The following CECR2 variants were observed in gnomAD, a reference collection of about 807,000 sequenced individuals.
The protein encoded by CECR2 is CECR2 histone acetyl-lysine reader.
In CECR2, 30 loss-of-function variants were observed where a neutral mutation model predicts 154.5. The observed-to-expected ratio is 0.19, with a 90% CI of 0.15 to 0.26. The LOEUF (loss-of-function observed/expected upper bound fraction) is 0.26. CECR2 is among the 10% of genes least tolerant of loss of function. The probability of loss-of-function intolerance (pLI) is 1.00; values close to 1 mark genes in which losing one functional copy is unlikely to be tolerated. For synonymous variants in CECR2, 725 were observed against 683.7 expected, an observed-to-expected ratio of 1.06 and a Z score of -0.94; for missense variants, 1,743 against 1,829.3, an observed-to-expected ratio of 0.95 and a Z score of 0.86.
chr22:17,494,932 A>G (rs961226322), intron 2 of CECR2, among the ~76,000 whole-genome samples: 2 of 151,522 alleles, frequency 1.3e-5, no homozygotes, highest in Non-Finnish European at 3.0e-5. Context: ...TGACCTCGTG[A>G]TCCGCCCACC....
chr22:17,384,899 C>T (rs993605124), intron 1 of CECR2, among the ~76,000 whole-genome samples: 1 of 152,204 alleles, frequency 6.6e-6, no homozygotes, highest in Non-Finnish European at 1.5e-5. Flanking sequence ...TATTCATCCT[C>T]GTTAATGATC....
intron 8 of CECR2, among the ~76,000 whole-genome samples, chr22:17,514,247 TTGC>T (rs1428362034): frequency 6.6e-6 from 1 of 152,176 alleles, no homozygotes; most frequent in Non-Finnish European, 1.5e-5. Context: ...GTCATTGCTG[TTGC>T]TAGGGAGCTG....
intron 2 of CECR2, among the ~76,000 whole-genome samples, chr22:17,495,118 A>T (rs1035774350): frequency 2.6e-5 from 4 of 152,260 alleles, no homozygotes; most frequent in African/African-American, 9.6e-5. Flanking sequence ...TTTTAAAATG[A>T]TACCAATAAC....
At position 17,511,808 on chromosome 22, in the gene CECR2, T is replaced by C. The variant is rs2055960508; in HGVS notation, c.871-5T>C. On this transcript the variant is annotated splice_region_variant and splice_polypyrimidine_tract_variant and intron_variant, in intron 7 of 18. Transcript: ENST00000262608. ...TTCCTTTCTCTTCTTCACTTCTAAC[T>C]ATAGGGAAAACGTCCACAGCGCACA... The C allele has an allele frequency of 1.2e-6, 2 of 1,610,326 alleles. No homozygotes were observed. Among genetic ancestry groups the C allele is most frequent in the African/African-American group, 1.3e-5 (1 of 74,854 alleles).
At chr22:17,432,839 C>T (rs187999938) in intron 1 of CECR2, among the ~76,000 whole-genome samples, 1 of 152,298 alleles carries the variant, frequency 6.6e-6, no homozygotes, top group African/African-American at 2.4e-5. Flanking sequence ...GTGATCCTCC[C>T]ACCTCACCCT....
intron 1 of CECR2, among the ~76,000 whole-genome samples, chr22:17,411,553 A>C (rs1355751076): frequency 6.6e-6 from 1 of 152,232 alleles, no homozygotes; most frequent in Non-Finnish European, 1.5e-5. Flanking sequence ...TATAAGATAC[A>C]AGATGGGAAG....
At chr22:17,478,352 A>ATTTTTT (rs56010603) in intron 2 of CECR2, among the ~76,000 whole-genome samples, 4 of 118,970 alleles carry the variant, frequency 3.4e-5, no homozygotes, top group South Asian at 2.8e-4. Flanking sequence ...ATGGTATCAA[A>ATTTTTT]TTTTTTTTTT....
chr22:17,377,414 A>C (rs1311303471), intron 1 of CECR2, among the ~76,000 whole-genome samples: 2 of 151,556 alleles, frequency 1.3e-5, no homozygotes, highest in African/African-American at 4.8e-5. Context: ...GCATTGAATT[A>C]TGTGATTCTT....
intron 16 of CECR2, among the ~76,000 whole-genome samples, chr22:17,543,930 T>G (rs2056570533): frequency 6.6e-6 from 1 of 152,206 alleles, no homozygotes; most frequent in African/African-American, 2.4e-5. Context: ...TTTTTACAGA[T>G]GAAAAATCCA....
chr22:17,506,587 A>C (rs1020624900), intron 7 of CECR2, among the ~76,000 whole-genome samples: 2 of 152,134 alleles, frequency 1.3e-5, no homozygotes, highest in African/African-American at 4.8e-5. Context: ...TCTTCATCTC[A>C]AGGACCATGT....
intron 1 of CECR2, among the ~76,000 whole-genome samples, chr22:17,454,129 C>CT (rs538439270): frequency 7.9e-4 from 121 of 152,256 alleles, no homozygotes; most frequent in African/African-American, 2.8e-3. Context: ...CACATAAGAG[C>CT]TCAATACAAA....
intron 1 of CECR2, among the ~76,000 whole-genome samples, chr22:17,390,147 C>T (rs983125879): frequency 6.6e-5 from 10 of 152,112 alleles, no homozygotes; most frequent in Non-Finnish European, 1.3e-4. Context: ...TGTTGAGTCT[C>T]TTTAGTCTCC....
chr22:17,503,589 A>AC, intron 6 of CECR2, among the ~76,000 whole-genome samples: 1 of 152,264 alleles, frequency 6.6e-6, no homozygotes, highest in Admixed American at 6.5e-5. Context: ...AAGACTCAAA[A>AC]TCAAAACCAT....
intron 1 of CECR2, among the ~76,000 whole-genome samples, chr22:17,474,523 A>C (rs1175005336): frequency 1.3e-5 from 2 of 152,190 alleles, no homozygotes; most frequent in African/African-American, 2.4e-5. Flanking sequence ...ATTGTGTTAG[A>C]AGAAAAGGCA....
Position 17,538,485 on chromosome 22 carries a change from G to C in CECR2, c.1239-35G>C, listed in dbSNP as rs549250702. 3 of 1,600,136 alleles carry C rather than the reference G, an allele frequency of 1.9e-6. No individual in the cohort carries two copies. In the South Asian group the frequency reaches 3.3e-5, roughly 18 times the overall value. ...GAGAGCTCAGGAGAGAAGGTGGTCA[G>C]AGTTACTATTAATTTCTTATTTTGT... is the stretch of plus-strand genomic sequence containing the variant. On this transcript the variant is annotated intron_variant, in intron 10 of 18. Transcript: ENST00000262608.
At chr22:17,436,104 G>A (rs1483786833) in intron 1 of CECR2, among the ~76,000 whole-genome samples, 1 of 152,078 alleles carries the variant, frequency 6.6e-6, no homozygotes, top group Non-Finnish European at 1.5e-5. Context: ...GACTACAGGT[G>A]CGTGTCACCA....
chr22:17,385,406 G>A (rs1334565471), intron 1 of CECR2, among the ~76,000 whole-genome samples: 4 of 152,286 alleles, frequency 2.6e-5, no homozygotes, highest in South Asian at 4.1e-4. Flanking sequence ...GGCCATTGTA[G>A]GATTATTAAT....
Position 17,548,684 on chromosome 22 carries a change from TACC to T in CECR2, c.3400_3402del (p.His1134del). The T allele has an allele frequency of 6.2e-7, 1 of 1,613,494 alleles. No homozygotes were observed. The highest frequency in any genetic ancestry group is 8.5e-7 in the Non-Finnish European group (1 of 1,179,716). ...AGAGTACCCGAATTCAGCTGCCCAT[TACC>T]ACATCAGTCCAGGCCTGCAGGGTGT... On this transcript the variant is annotated inframe_deletion, in exon 17 of 19. Coordinates refer to ENST00000262608, the MANE Select transcript of CECR2 (RefSeq NM_001290047.2).
intron 1 of CECR2, among the ~76,000 whole-genome samples, chr22:17,467,965 C>G (rs916456643): frequency 6.6e-6 from 1 of 152,214 alleles, no homozygotes; most frequent in Non-Finnish European, 1.5e-5. Context: ...GGTCTGTATA[C>G]TGTCCCAGAA....
Sources: gnomAD v4.1 joint callset for allele counts (sites outside exome capture counted in the v4.1 genomes callset) on GRCh38, gnomAD v4.1.1 for gene constraint, MANE v1.5 for transcripts, NCBI Gene and HGNC (gene_info 2026-07-23, HGNC 2026-07-21) for gene names.